Variants in MIR2052HG observed in about 807,000 individuals in gnomAD.
MIR2052HG encodes the protein MIR2052 host gene.
intron 4 of MIR2052HG, among the ~76,000 whole-genome samples, chr8:74,711,136 A>T (rs1382160646): frequency 6.6e-6 from 1 of 152,194 alleles, no homozygotes; most frequent in Non-Finnish European, 1.5e-5. Flanking sequence ...AAACTGAAAC[A>T]TGAACACAAA....
chr8:74,655,490 G>T (rs1167545515), intron 2 of MIR2052HG, among the ~76,000 whole-genome samples: 1 of 152,192 alleles, frequency 6.6e-6, no homozygotes, highest in Non-Finnish European at 1.5e-5. Context: ...GCTAAAAGGG[G>T]CCAAGGTACA....
At chr8:74,718,111 A>G (rs1425760) in intron 4 of MIR2052HG, among the ~76,000 whole-genome samples, 5 of 152,112 alleles carry the variant, frequency 3.3e-5, no homozygotes, top group Admixed American at 6.5e-5. Flanking sequence ...TATTACTACA[A>G]CAGGTTTTGA....
At chr8:74,623,309 C>G (rs1410966880) in intron 2 of MIR2052HG, among the ~76,000 whole-genome samples, 1 of 152,044 alleles carries the variant, frequency 6.6e-6, no homozygotes, top group East Asian at 1.9e-4. Context: ...GAGAAATTTC[C>G]TTAGGTGGGG....
intron 2 of MIR2052HG, among the ~76,000 whole-genome samples, chr8:74,655,732 A>T (rs1808799917): frequency 6.6e-6 from 1 of 152,118 alleles, no homozygotes; most frequent in South Asian, 2.1e-4. Flanking sequence ...TCCCCCCCAA[A>T]CACACATAGC....
chr8:74,602,804 C>A (rs1277498895), intron 1 of MIR2052HG, among the ~76,000 whole-genome samples: 1 of 63,778 alleles, frequency 1.6e-5, no homozygotes, highest in Non-Finnish European at 3.2e-5. Context: ...TGTGAGCTGC[C>A]ATGCCCGGCC....
chr8:74,689,435 G>A (rs1462254317), intron 2 of MIR2052HG, among the ~76,000 whole-genome samples: 1 of 152,154 alleles, frequency 6.6e-6, no homozygotes, highest in Non-Finnish European at 1.5e-5. Flanking sequence ...CATTTCAGAA[G>A]TTCATTTTGG....
At chr8:74,624,248 A>G (rs1296921209) in intron 2 of MIR2052HG, among the ~76,000 whole-genome samples, 1 of 152,224 alleles carries the variant, frequency 6.6e-6, no homozygotes, top group Non-Finnish European at 1.5e-5. Flanking sequence ...AATTGAAAGC[A>G]TATCATTCTT....
chr8:74,629,257 A>G (rs967094202), intron 2 of MIR2052HG, among the ~76,000 whole-genome samples: 3 of 152,148 alleles, frequency 2.0e-5, no homozygotes, highest in Non-Finnish European at 2.9e-5. Flanking sequence ...GAGCACTTTC[A>G]TAGCAGTTTA....
intron 2 of MIR2052HG, among the ~76,000 whole-genome samples, chr8:74,613,853 A>G (rs1359715025): frequency 6.6e-6 from 1 of 152,184 alleles, no homozygotes; most frequent in Non-Finnish European, 1.5e-5. Flanking sequence ...TTTTTTAAAT[A>G]TGATGGTCAG....
At chr8:74,748,890 G>A (rs1809914382) in intron 4 of MIR2052HG, among the ~76,000 whole-genome samples, 1 of 152,162 alleles carries the variant, frequency 6.6e-6, no homozygotes, top group African/African-American at 2.4e-5. Flanking sequence ...GTGTAATTAT[G>A]CTCTCATCAT....
intron 2 of MIR2052HG, among the ~76,000 whole-genome samples, chr8:74,633,616 G>A (rs1195729103): frequency 6.6e-6 from 1 of 152,160 alleles, no homozygotes; most frequent in African/African-American, 2.4e-5. Context: ...CTTGTTATGC[G>A]TTTCCTAGGC....
At position 74,667,323 on chromosome 8, in the gene MIR2052HG, C is replaced by T. The variant is rs1808940896; in HGVS notation, n.217-35056C>T. Among the ~76,000 whole-genome samples, 5 of 152,182 alleles carry T rather than the reference C, an allele frequency of 3.3e-5. No individual in the cohort carries two copies. The East Asian group carries it at 9.7e-4, about 29-fold the overall frequency. On this transcript the variant is annotated intron_variant and non_coding_transcript_variant, in intron 2 of 6. Coordinates refer to ENST00000523442, the Ensembl canonical transcript of MIR2052HG. ...ATTCCCAATTCTGTGGTAGAGCATC[C>T]TCATGAATTAGAAGGTCAGGAAAGG...
At chr8:74,737,917 A>G (rs1586927912) in intron 4 of MIR2052HG, among the ~76,000 whole-genome samples, 1 of 152,224 alleles carries the variant, frequency 6.6e-6, no homozygotes, top group East Asian at 1.9e-4. Context: ...CCTGCTAAAC[A>G]TTTGAAAATA....
chr8:74,736,088 A>C (rs924015767), intron 4 of MIR2052HG, among the ~76,000 whole-genome samples: 1 of 152,196 alleles, frequency 6.6e-6, no homozygotes, highest in Non-Finnish European at 1.5e-5. Context: ...CTTAAAATGT[A>C]TATCTAGGTT....
chr8:74,701,164 G>A (rs1652394239), intron 2 of MIR2052HG, among the ~76,000 whole-genome samples: 1 of 152,064 alleles, frequency 6.6e-6, no homozygotes, highest in Admixed American at 6.6e-5. Context: ...TGGTGAATGA[G>A]AATTTGATAA....
chr8:74,691,735 A>G (rs573240298), intron 2 of MIR2052HG, among the ~76,000 whole-genome samples: 1 of 152,224 alleles, frequency 6.6e-6, no homozygotes. Flanking sequence ...TATTTCTGGT[A>G]GTACTATAAT....
chr8:74,697,181 G>A (rs1356866766), intron 2 of MIR2052HG, among the ~76,000 whole-genome samples: 1 of 151,998 alleles, frequency 6.6e-6, no homozygotes, highest in Non-Finnish European at 1.5e-5. Context: ...ACATATGCAA[G>A]TCAATAAATA....
chr8:74,644,331 A>T (rs1315220564), intron 2 of MIR2052HG, among the ~76,000 whole-genome samples: 1 of 152,208 alleles, frequency 6.6e-6, no homozygotes, highest in Non-Finnish European at 1.5e-5. Flanking sequence ...GGATACACAG[A>T]TACTTACCAC....
chr8:74,727,587 A>C (rs1382841953), intron 4 of MIR2052HG, among the ~76,000 whole-genome samples: 2 of 152,196 alleles, frequency 1.3e-5, no homozygotes, highest in African/African-American at 2.4e-5. Flanking sequence ...TGGTTTGAGA[A>C]CCACCATCAC....
Sources: gnomAD v4.1 joint callset for allele counts (sites outside exome capture counted in the v4.1 genomes callset) on GRCh38, gnomAD v4.1.1 for gene constraint, MANE v1.5 for transcripts, NCBI Gene and HGNC (gene_info 2026-07-23, HGNC 2026-07-21) for gene names.